Variants in ALPK2 observed in about 807,000 individuals in gnomAD.
The protein encoded by ALPK2 is alpha kinase 2.
ALPK2 carries 127 observed loss-of-function variants against 163.1 expected under a neutral mutation model. The observed-to-expected ratio is 0.78, with a 90% confidence interval of 0.67 to 0.90. The LOEUF (loss-of-function observed/expected upper bound fraction) is 0.90. Ranked by LOEUF, ALPK2 falls within the 40% of genes least tolerant of loss-of-function variation. The pLI is 0.00. For missense variants in ALPK2, 2,360 were observed against 2,589.6 expected (o/e 0.91, Z 1.92); for synonymous variants, 953 against 959.1 (o/e 0.99, Z 0.12).
intron 4 of ALPK2, chr18:58,544,805 T>C (rs1274901787): frequency 6.6e-6 from 1 of 152,222 alleles, no homozygotes; most frequent in Non-Finnish European, 1.5e-5. Context: ...TAGATACTGT[T>C]GGCTGACTAA....
At chr18:58,597,354 A>G (rs1465802988) in intron 3 of ALPK2, among the ~76,000 whole-genome samples, 1 of 152,244 alleles carries the variant, frequency 6.6e-6, no homozygotes, top group East Asian at 1.9e-4. Context: ...CAGGGCAGAA[A>G]GAATGAGCAT....
rs201109872 is a variant in ALPK2 at position 58,551,121 on chromosome 18, ACC to A, written c.1963-12899_1963-12898del. On this transcript the variant is annotated intron_variant, in intron 4 of 12. Transcript: ENST00000361673. ...CAGAAACAAAAATGGAAAAAAAAAAACCCACATTTTTTTTCTTAATAATTCAC... is the reference window on the plus strand; with the variant it reads ...CAGAAACAAAAATGGAAAAAAAAAAACACATTTTTTTTCTTAATAATTCAC... Among the ~76,000 whole-genome samples, 261 of 151,354 alleles carry A rather than the reference ACC, an allele frequency of 1.7e-3. 1 individual carries two copies. Among genetic ancestry groups the A allele is most frequent in the Admixed American group, 3.5e-3 (53 of 15,208 alleles).
intron 4 of ALPK2, among the ~76,000 whole-genome samples, chr18:58,552,103 C>T (rs563484471): frequency 6.6e-6 from 1 of 152,036 alleles, no homozygotes; most frequent in Non-Finnish European, 1.5e-5. Flanking sequence ...AAAAAAAATG[C>T]CCCAAATCGC....
intron 4 of ALPK2, among the ~76,000 whole-genome samples, chr18:58,549,278 A>C (rs1325603943): frequency 6.6e-6 from 1 of 152,234 alleles, no homozygotes. Flanking sequence ...TATAAATTGC[A>C]AGGTACAACA....
At position 58,524,055 on chromosome 18, in the gene ALPK2, C is replaced by A; in HGVS notation, c.5509G>T (p.Asp1837Tyr). Residue 1837 changes from aspartate (D) to tyrosine (Y), a missense_variant, in exon 7 of 13, where the codon GAC becomes TAC. Physicochemically the swap from Asp to Tyr is radical, Grantham distance 160. Transcript: ENST00000361673. The stretch of plus-strand genomic sequence containing the variant: ...ATGGCAAAGGAAACAGTGGAGTTGT[C>A]CCCTGCACTGCAATGAGGAATATTC... ...SIAQVQRSAG[D>Y]NSTVSFAIVQ... The A allele has an allele frequency of 6.2e-7, 1 of 1,612,966 alleles. No homozygotes were observed. The highest frequency in any genetic ancestry group is 8.5e-7 in the Non-Finnish European group (1 of 1,179,204).
rs145088303 is a variant in ALPK2 at position 58,579,216 on chromosome 18, C to T, written c.1560G>A (p.Val520=). 7 of 1,613,974 alleles carry T rather than the reference C, an allele frequency of 4.3e-6. No homozygotes were observed. Among genetic ancestry groups the T allele is most frequent in the East Asian group, 2.2e-5 (1 of 44,894 alleles). The change falls in exon 4 of 13, where the codon GTG becomes GTA. Residue 520 remains valine, a synonymous_variant. Transcript: ENST00000361673. ...QCWETAADKR[V]GGKDLWSKRG... ...TCTTGCTCCATAAGTCCTTTCCCCCCACTCTCTTGTCAGCTGCCGTCTCCC... is the reference window on the plus strand; with the variant it reads ...TCTTGCTCCATAAGTCCTTTCCCCCTACTCTCTTGTCAGCTGCCGTCTCCC...
chr18:58,589,517 A>T (rs1397718851), intron 3 of ALPK2, among the ~76,000 whole-genome samples: 1 of 152,196 alleles, frequency 6.6e-6, no homozygotes, highest in African/African-American at 2.4e-5. Flanking sequence ...AGTTTGGGGA[A>T]CAGGATGAAA....
Position 58,579,600 on chromosome 18 carries a change from C to A in ALPK2, c.1176G>T (p.Gly392=), listed in dbSNP as rs369273669. 1.6e-5 allele frequency: 26 copies of A among 1,613,418 alleles called. No individual in the cohort carries two copies. Among genetic ancestry groups the A allele is most frequent in the Non-Finnish European group, 2.1e-5 (25 of 1,179,984 alleles). The change falls in exon 4 of 13, where the codon GGG becomes GGT. Residue 392 remains glycine, a synonymous_variant. Transcript: ENST00000361673. Reference sequence around the variant, plus strand: ...AGAAGCCAGCAGTGGCAACCATAGGCCCAGCGTCACCCGACACCCGAGACC... The same window carrying A: ...AGAAGCCAGCAGTGGCAACCATAGGACCAGCGTCACCCGACACCCGAGACC... The part of the protein sequence containing the change: ...GCGSRVSGDA[G]PMVATAGFCG...
At chr18:58,586,302 A>G (rs2051986347) in intron 3 of ALPK2, among the ~76,000 whole-genome samples, 2 of 152,212 alleles carry the variant, frequency 1.3e-5, no homozygotes, top group Admixed American at 6.5e-5. Context: ...AGAAGCATGG[A>G]GGATATGAGC....
chr18:58,495,340 TC>T (rs2051396150), intron 12 of ALPK2, among the ~76,000 whole-genome samples: 1 of 152,124 alleles, frequency 6.6e-6, no homozygotes, highest in Non-Finnish European at 1.5e-5. Flanking sequence ...CAGAATCTCC[TC>T]CTCTCCCAGC....
chr18:58,559,096 G>C (rs977894895), intron 4 of ALPK2, among the ~76,000 whole-genome samples: 17 of 152,214 alleles, frequency 1.1e-4, no homozygotes, highest in Non-Finnish European at 2.4e-4. Flanking sequence ...ATTTTAATGA[G>C]ATAACTATTT....
chr18:58,574,003 CA>C (rs2144191646), intron 4 of ALPK2, among the ~76,000 whole-genome samples: 2 of 152,192 alleles, frequency 1.3e-5, no homozygotes, highest in South Asian at 4.1e-4. Context: ...CAGAGATAGA[CA>C]GAGGCAAAAG....
chr18:58,492,901 C>T (rs1293755556), intron 12 of ALPK2, among the ~76,000 whole-genome samples: 5 of 152,198 alleles, frequency 3.3e-5, no homozygotes, highest in Non-Finnish European at 1.5e-5. Context: ...GGGAGACTCC[C>T]CCATACACTG....
chr18:58,556,169 T>TCACACACACACA (rs33920285), intron 4 of ALPK2, among the ~76,000 whole-genome samples: 2,031 of 149,090 alleles, frequency 0.014, 47 homozygotes, highest in African/African-American at 0.047. Context: ...GGACTAGATC[T>TCACACACACACA]CACACACACA....
rs539551370 is a variant in ALPK2, at chr18:58,574,407, C to T, written c.1962+4407G>A. Among the ~76,000 whole-genome samples, 6 of 146,158 alleles carry T rather than the reference C, an allele frequency of 4.1e-5. No homozygotes were observed. The East Asian group carries it at 1.0e-3, about 24-fold the overall frequency. ...GAGGTTGCAGTGAGCCAAGATCATG[C>T]CAGTCTGGGCAACAGAGTGAGACTC... On this transcript the variant is annotated intron_variant, in intron 4 of 12. Transcript: ENST00000361673.
chr18:58,513,054 T>G (rs2051501957), intron 10 of ALPK2, among the ~76,000 whole-genome samples: 1 of 145,126 alleles, frequency 6.9e-6, no homozygotes. Flanking sequence ...GTGGTGTGTT[T>G]GTGCATATGG....
At chr18:58,597,367 A>G (rs1161732768) in intron 3 of ALPK2, among the ~76,000 whole-genome samples, 1 of 152,212 alleles carries the variant, frequency 6.6e-6, no homozygotes, top group Non-Finnish European at 1.5e-5. Flanking sequence ...ATGAGCATTT[A>G]CTTAGCATTT....
At position 58,503,941 on chromosome 18, in the gene ALPK2, C is replaced by T. The variant is rs776002589; in HGVS notation, c.6237G>A (p.Thr2079=). ...YQKTSGCLLV[T]DMQGVGMKLT... ...AGCTGCTTTCCTCACCTTGCATGTC[C>T]GTCACCAGGAGGCAGCCACTTGTTT... is the stretch of plus-strand genomic sequence containing the variant. The change falls in exon 11 of 13, where the codon ACG becomes ACA. Residue 2079 remains threonine, a synonymous_variant. Transcript: ENST00000361673. 113 of 1,612,984 alleles carry T rather than the reference C, an allele frequency of 7.0e-5. No homozygotes were observed. Among genetic ancestry groups the T allele is most frequent in the South Asian group, 5.1e-4 (46 of 90,776 alleles).
At chr18:58,626,712 T>A (rs922067676) in intron 1 of ALPK2, among the ~76,000 whole-genome samples, 4 of 152,232 alleles carry the variant, frequency 2.6e-5, no homozygotes, top group Non-Finnish European at 4.4e-5. Flanking sequence ...TTCTTATTTA[T>A]CATAGATACA....
Sources: gnomAD v4.1 joint callset for allele counts (sites outside exome capture counted in the v4.1 genomes callset) on GRCh38, gnomAD v4.1.1 for gene constraint, MANE v1.5 for transcripts, NCBI Gene and HGNC (gene_info 2026-07-23, HGNC 2026-07-21) for gene names.